The following ATP11A variants were observed in gnomAD, a reference collection of about 807,000 sequenced individuals.
ATP11A encodes the protein phospholipid-transporting ATPase IH.
A neutral mutation model predicts 154.4 loss-of-function variants in ATP11A; 81 were observed. That is an observed-to-expected ratio of 0.52 (90% CI 0.44 to 0.63). The LOEUF is 0.63. ATP11A is among the 30% of genes least tolerant of loss of function. The pLI is 0.00. For synonymous variants in ATP11A, 623 were observed against 585.9 expected (o/e 1.06, Z -0.91); for missense variants, 1,316 against 1,474.3 (o/e 0.89, Z 1.76).
In ATP11A at chr13:112,819,881, G is replaced by T; in HGVS notation, c.675-19G>T. 6.2e-7 allele frequency: 1 copy of T among 1,614,060 alleles called. No homozygotes were observed. Among genetic ancestry groups the T allele is most frequent in the Non-Finnish European group, 8.5e-7 (1 of 1,179,992 alleles). On this transcript the variant is annotated intron_variant, in intron 7 of 29. Transcript: ENST00000375645. ...CCGCTGGGCGCGTCCGGTCAGTAACGTGGCTTTTCTGTCGCCAGGTTCGTG... is the reference window on the plus strand; with the variant it reads ...CCGCTGGGCGCGTCCGGTCAGTAACTTGGCTTTTCTGTCGCCAGGTTCGTG...
chr13:112,810,139 A>G (rs1487399233), intron 4 of ATP11A, among the ~76,000 whole-genome samples: 1 of 152,126 alleles, frequency 6.6e-6, no homozygotes, highest in Non-Finnish European at 1.5e-5. Context: ...TCAGTTTTTA[A>G]TGAAAGAGAA....
chr13:112,732,862 C>G (rs904437033), intron 1 of ATP11A, among the ~76,000 whole-genome samples: 1 of 152,196 alleles, frequency 6.6e-6, no homozygotes, highest in Non-Finnish European at 1.5e-5. Context: ...ATTCACCTGC[C>G]TCGGCCTCCC....
intron 25 of ATP11A, among the ~76,000 whole-genome samples, chr13:112,865,847 G>A (rs1004886804): frequency 5.3e-5 from 8 of 152,222 alleles, no homozygotes; most frequent in African/African-American, 1.7e-4. Flanking sequence ...CACCATGCAC[G>A]GCCAGCCTGC....
rs189377786 is a variant in ATP11A at position 112,838,877 on chromosome 13, G to A, written c.1705+2626G>A. 3.5e-3 allele frequency among the ~76,000 whole-genome samples: 534 copies of A among 152,302 alleles called. 4 individuals are homozygous for A. Among genetic ancestry groups the A allele is most frequent in the African/African-American group, 0.011 (463 of 41,558 alleles). ...GTAAGTAGTAGTCATCCCCGGAGAG[G>A]TTCACTAATTGCACTGGAGTTCTCC... On this transcript the variant is annotated intron_variant, in intron 16 of 29. Transcript: ENST00000375645. This position sits in a 1 kb window ranked among gnomAD's most constrained non-coding sequence, Gnocchi z 7.3.
In ATP11A at chr13:112,875,953, C is replaced by G; in HGVS notation, c.3327+12C>G. On this transcript the variant is annotated intron_variant, in intron 28 of 29. Coordinates refer to ENST00000375645, the MANE Select transcript of ATP11A (RefSeq NM_015205.3). The surrounding 1 kb of genome is among the most constrained non-coding windows in gnomAD (Gnocchi z 4.1). ...CAGAGAGAGTCCAGGTACGGAGTGT[C>G]CCCAGCCGGGGCGGGGGTGCCTCAG... 6.2e-7 allele frequency: 1 copy of G among 1,601,468 alleles called. No homozygotes were observed. The highest frequency in any genetic ancestry group is 1.1e-5 in the South Asian group (1 of 90,868).
chr13:112,718,758 C>G (rs1214311507), intron 1 of ATP11A, among the ~76,000 whole-genome samples: 2 of 151,912 alleles, frequency 1.3e-5, no homozygotes, highest in African/African-American at 4.8e-5. Context: ...GCAACCTCCG[C>G]CTCCCAGGTT....
rs1890415481 is a variant in ATP11A at position 112,730,892 on chromosome 13, C to T, written c.39+40437C>T. ...GGGTGGGAGGAAGTGTGTCTTCGGG[C>T]AGCACTTTCTCATGGGACAGGTGTT... is the stretch of plus-strand genomic sequence containing the variant. On this transcript the variant is annotated intron_variant, in intron 1 of 29. Coordinates refer to ENST00000375645, the MANE Select transcript of ATP11A (RefSeq NM_015205.3). 2.6e-5 allele frequency among the ~76,000 whole-genome samples: 4 copies of T among 152,262 alleles called. No homozygotes were observed. In the South Asian group the frequency reaches 8.3e-4, roughly 32 times the overall value.
intron 1 of ATP11A, among the ~76,000 whole-genome samples, chr13:112,749,146 G>A (rs921245567): frequency 6.6e-6 from 1 of 152,230 alleles, no homozygotes; most frequent in Non-Finnish European, 1.5e-5. Context: ...GTCTGCTCTG[G>A]TGGATGCCGT....
intron 26 of ATP11A, 21 bp downstream of exon 26, chr13:112,871,821 G>A (rs762567342): frequency 1.6e-5 from 26 of 1,610,532 alleles, no homozygotes; most frequent in South Asian, 8.8e-5. Flanking sequence ...TCGCGCTCAC[G>A]TTCCTCCCCC....
intron 14 of ATP11A, among the ~76,000 whole-genome samples, chr13:112,833,925 A>G (rs1594119033): frequency 1.3e-5 from 2 of 152,024 alleles, no homozygotes; most frequent in South Asian, 4.2e-4. Flanking sequence ...CGCTGCTCCC[A>G]CCTGGGCTGG....
rs1447567326 is a variant in ATP11A at position 112,875,849 on chromosome 13, A to G, written c.3235A>G (p.Ile1079Val). The change falls in exon 28 of 30, where the codon ATC becomes GTC. Residue 1079 changes from isoleucine to valine, a missense_variant. By Grantham distance (29) the Ile-to-Val change is conservative. This residue lies in a region of ATP11A where 294 missense variants were observed against 290.2 expected (regional missense o/e 1.01). Coordinates refer to ENST00000375645, the MANE Select transcript of ATP11A (RefSeq NM_015205.3). This position sits in a 1 kb window ranked among gnomAD's most constrained non-coding sequence, Gnocchi z 4.1. ...MLSSGPAWLA[I>V]VLLVTISLLP... The stretch of plus-strand genomic sequence containing the variant: ...GTCCAGCGGGCCCGCCTGGCTGGCC[A>G]TCGTGCTGCTGGTGACCATCAGCCT... 6 of 1,613,846 alleles carry G rather than the reference A, an allele frequency of 3.7e-6. No individual in the cohort carries two copies. In the African/African-American group the frequency reaches 4.0e-5, roughly 11 times the overall value.
At chr13:112,802,565 A>C (rs1219385403) in intron 2 of ATP11A, among the ~76,000 whole-genome samples, 1 of 151,686 alleles carries the variant, frequency 6.6e-6, no homozygotes, top group South Asian at 2.1e-4. Context: ...AAAAAAAAAA[A>C]AAAAAAAACC....
intron 14 of ATP11A, 138 bp downstream of exon 14, chr13:112,833,161 C>A: frequency 8.9e-7 from 1 of 1,123,018 alleles, no homozygotes. Flanking sequence ...GCCTTTGCAC[C>A]CAGCTTCTCT....
At chr13:112,713,223 C>T (rs1323861532) in intron 1 of ATP11A, among the ~76,000 whole-genome samples, 6 of 152,098 alleles carry the variant, frequency 3.9e-5, no homozygotes, top group Admixed American at 2.0e-4. Flanking sequence ...GGTGAAACCC[C>T]GTCTCTACTA....
At position 112,868,111 on chromosome 13, in the gene ATP11A, G is replaced by A. The variant is rs141348371; in HGVS notation, c.2992-3624G>A. On this transcript the variant is annotated intron_variant, in intron 25 of 29. Coordinates refer to ENST00000375645, the MANE Select transcript of ATP11A (RefSeq NM_015205.3). ...ATTTTGATGCCACAAATGAGAATGC[G>A]AAGACAACAGTTATTTGTTGAACAG... is the stretch of plus-strand genomic sequence containing the variant. Among the ~76,000 whole-genome samples, 29 of 152,334 alleles carry A rather than the reference G, an allele frequency of 1.9e-4. No homozygotes were observed. The East Asian group carries it at 4.2e-3, about 22-fold the overall frequency.
chr13:112,703,641 G>C (rs186629570), intron 1 of ATP11A, among the ~76,000 whole-genome samples: 95 of 152,312 alleles, frequency 6.2e-4, no homozygotes, highest in African/African-American at 2.2e-3. Context: ...GTGGAACAAA[G>C]TTAGGTAATT....
In ATP11A at chr13:112,819,359, G is replaced by A; in HGVS notation, c.626G>A (p.Gly209Glu). Reference protein sequence around the residue: ...KGFHTEEDIGGLHATIECEQP... With the variant: ...KGFHTEEDIGELHATIECEQP... ...TTCCACACAGAGGAGGATATCGGCGGACTTCACGCCACCATCGAGTGTGAG... is the reference window on the plus strand; with the variant it reads ...TTCCACACAGAGGAGGATATCGGCGAACTTCACGCCACCATCGAGTGTGAG... Residue 209 changes from glycine (G) to glutamate (E), a missense_variant, in exon 7 of 30, where the codon GGA becomes GAA. Gly to Glu is a moderately conservative substitution (Grantham distance 98). Coordinates refer to ENST00000375645, the MANE Select transcript of ATP11A (RefSeq NM_015205.3). 3 of 1,614,176 alleles carry A rather than the reference G, an allele frequency of 1.9e-6. No homozygotes were observed. Among genetic ancestry groups the A allele is most frequent in the Non-Finnish European group, 2.5e-6 (3 of 1,180,012 alleles).
At chr13:112,848,555 C>T (rs1285322488) in intron 17 of ATP11A, among the ~76,000 whole-genome samples, 1 of 152,178 alleles carries the variant, frequency 6.6e-6, no homozygotes, top group Non-Finnish European at 1.5e-5. Context: ...CTCTTTATAG[C>T]CTAATCCTCT....
chr13:112,698,987 C>CG (rs1886202880), intron 1 of ATP11A, among the ~76,000 whole-genome samples: 1 of 152,200 alleles, frequency 6.6e-6, no homozygotes, highest in African/African-American at 2.4e-5. Flanking sequence ...CTCGGCCTCC[C>CG]AAAGTACTGG....
Sources: gnomAD v4.1 joint callset for allele counts (sites outside exome capture counted in the v4.1 genomes callset) on GRCh38, gnomAD v4.1.1 for gene constraint, gnomAD v4.1.1 regional missense constraint, Gnocchi (gnomAD v3.1) non-coding constraint, MANE v1.5 for transcripts, NCBI Gene and HGNC (gene_info 2026-07-23, HGNC 2026-07-21) for gene names.